The following QRICH1 variants were observed in gnomAD, a reference collection of about 807,000 sequenced individuals.
QRICH1 encodes the protein transcriptional regulator QRICH1.
In QRICH1, 16 loss-of-function variants were observed where a neutral mutation model predicts 87.1. The ratio of observed to expected loss-of-function variants is 0.18; its 90% confidence interval spans 0.12 to 0.28. The LOEUF (loss-of-function observed/expected upper bound fraction) is 0.28, where lower values mean the gene tolerates loss of function less well. Ranked by LOEUF, QRICH1 falls within the 10% of genes least tolerant of loss-of-function variation. The probability of loss-of-function intolerance (pLI) is 1.00; values close to 1 mark genes in which losing one functional copy is unlikely to be tolerated. For missense variants in QRICH1, 647 were observed against 951.7 expected, an observed-to-expected ratio of 0.68 and a Z score of 4.21; for synonymous variants, 367 against 368.4, an observed-to-expected ratio of 1.00 and a Z score of 0.05.
intron 2 of QRICH1, among the ~76,000 whole-genome samples, chr3:49,060,198 A>G (rs995406207): frequency 4.0e-5 from 5 of 124,474 alleles, no homozygotes; most frequent in East Asian, 2.4e-4. Flanking sequence ...TTATATATAC[A>G]TATATATGTT....
chr3:49,051,054 CTACTTT>C (rs767792486), intron 3 of QRICH1, among the ~76,000 whole-genome samples: 46 of 152,326 alleles, frequency 3.0e-4, no homozygotes, highest in Non-Finnish European at 6.3e-4. Flanking sequence ...GCCCTTTCTT[CTACTTT>C]TAATCTGAGG....
intron 1 of QRICH1, among the ~76,000 whole-genome samples, chr3:49,085,529 T>C (rs1016981489): frequency 6.6e-6 from 1 of 151,880 alleles, no homozygotes; most frequent in African/African-American, 2.4e-5. Flanking sequence ...CCGAGGTGGG[T>C]GGATCACCTG....
chr3:49,053,440 G>A (rs1237614925), intron 3 of QRICH1, among the ~76,000 whole-genome samples: 8 of 138,482 alleles, frequency 5.8e-5, no homozygotes, highest in Admixed American at 2.4e-4. Flanking sequence ...AGCCGAGATC[G>A]CACCACTGCA....
chr3:49,093,907 C>G lies in QRICH1; in HGVS notation c.-22+5G>C. The G allele has an allele frequency of 2.5e-6, 1 of 395,938 alleles. No individual in the cohort carries two copies. Among genetic ancestry groups the G allele is most frequent in the Non-Finnish European group, 4.4e-6 (1 of 225,362 alleles). 24.5% of individuals were successfully genotyped at this position (395,938 alleles called of 1,614,324 possible). On this transcript the variant is annotated splice_donor_5th_base_variant and intron_variant, in intron 1 of 9. Coordinates refer to ENST00000395443, the MANE Select transcript of QRICH1 (RefSeq NM_198880.3). Reference sequence around the variant, plus strand: ...CCGCATCCCCACCCGCACTGGAGCCCTCACCCGGCGACGTCACTGCCGCCG... The same window carrying G: ...CCGCATCCCCACCCGCACTGGAGCCGTCACCCGGCGACGTCACTGCCGCCG...
rs60933196 is a variant in QRICH1, at chr3:49,078,386, C to CTTTT, written c.-21-1352_-21-1349dup. Among the ~76,000 whole-genome samples the CTTTT allele has an allele frequency of 2.3e-4, 16 of 69,850 alleles. 1 individual carries two copies. Among genetic ancestry groups the CTTTT allele is most frequent in the Non-Finnish European group, 2.8e-4 (11 of 39,288 alleles). 45.8% of individuals were successfully genotyped at this position (69,850 alleles called of 152,430 possible). ...TGTGGAAAACGAAGAATTATGGTTC[C>CTTTT]TTTTTTTTTTTTTTTTTTTTTTTTT... On this transcript the variant is annotated intron_variant, in intron 1 of 9. Transcript: ENST00000395443.
intron 2 of QRICH1, among the ~76,000 whole-genome samples, chr3:49,076,199 G>C (rs2041947041): frequency 6.6e-6 from 1 of 152,284 alleles, no homozygotes; most frequent in African/African-American, 2.4e-5. Context: ...AAAAAAAGAA[G>C]AAACAAACAA....
intron 2 of QRICH1, among the ~76,000 whole-genome samples, chr3:49,063,927 G>A (rs958054609): frequency 6.6e-6 from 1 of 151,988 alleles, no homozygotes; most frequent in Non-Finnish European, 1.5e-5. Context: ...TTTTATTTGA[G>A]ATGGAGTTTC....
At chr3:49,092,522 T>C (rs887182089) in intron 1 of QRICH1, 4 of 152,166 alleles carry the variant, frequency 2.6e-5, no homozygotes, top group Non-Finnish European at 5.9e-5. Flanking sequence ...ATTTTAACTT[T>C]GTTCTTAAAA....
intron 3 of QRICH1, among the ~76,000 whole-genome samples, chr3:49,049,278 C>T (rs2093356543): frequency 6.6e-6 from 1 of 151,266 alleles, no homozygotes. Context: ...AACCCCATCT[C>T]TACTAAAAAT....
At chr3:49,081,206 C>T (rs568423857) in intron 1 of QRICH1, among the ~76,000 whole-genome samples, 60 of 151,968 alleles carry the variant, frequency 3.9e-4, no homozygotes, top group Non-Finnish European at 6.3e-4. Flanking sequence ...CGCCTGAGGG[C>T]AGGAGATCGA....
intron 6 of QRICH1, among the ~76,000 whole-genome samples, chr3:49,037,178 G>A (rs2093280831): frequency 6.6e-6 from 1 of 151,256 alleles, no homozygotes; most frequent in African/African-American, 2.4e-5. Flanking sequence ...AAGAATCAAT[G>A]GATTCAGACA....
chr3:49,036,819 T>C (rs2093277845), intron 6 of QRICH1, among the ~76,000 whole-genome samples: 1 of 151,966 alleles, frequency 6.6e-6, no homozygotes, highest in South Asian at 2.1e-4. Context: ...TCCCAGTACT[T>C]TGGGAGGCCG....
intron 3 of QRICH1, among the ~76,000 whole-genome samples, chr3:49,047,545 G>A (rs926848700): frequency 6.1e-5 from 9 of 148,276 alleles, no homozygotes; most frequent in African/African-American, 2.0e-4. Context: ...GTGCAATGGC[G>A]CAATCTCAGC....
intron 2 of QRICH1, among the ~76,000 whole-genome samples, chr3:49,071,767 G>A (rs2041833208): frequency 2.0e-5 from 3 of 152,076 alleles, no homozygotes; most frequent in Admixed American, 1.3e-4. Flanking sequence ...ATCACAGCTC[G>A]CTGCAACCAT....
intron 1 of QRICH1, chr3:49,083,278 C>T (rs1201294282): frequency 6.7e-6 from 1 of 149,460 alleles, no homozygotes; most frequent in Non-Finnish European, 1.5e-5. Context: ...ACTCAAGAGA[C>T]TGAAACAGGA....
At chr3:49,094,311 G>C (rs2042339609), upstream of QRICH1, 2 of 347,504 alleles carry the variant, frequency 5.8e-6, no homozygotes, top group African/African-American at 2.1e-5. Context: ...GAAGGCTAGG[G>C]CTCCAAGCTA....
chr3:49,069,397 C>T lies in QRICH1; in HGVS notation c.309+7312G>A, dbSNP rs1321684242. Among the ~76,000 whole-genome samples, 19 of 151,966 alleles carry T rather than the reference C, an allele frequency of 1.3e-4. 1 individual carries two copies. Among genetic ancestry groups the T allele is most frequent in the Admixed American group, 1.2e-3 (18 of 15,210 alleles). ...GATTAGAGGCATGAGCCACCACACACAGCTGAAAATTATTTTTTACAGAAA... is the reference window on the plus strand; with the variant it reads ...GATTAGAGGCATGAGCCACCACACATAGCTGAAAATTATTTTTTACAGAAA... On this transcript the variant is annotated intron_variant, in intron 2 of 9. Coordinates refer to ENST00000395443, the MANE Select transcript of QRICH1 (RefSeq NM_198880.3).
intron 1 of QRICH1, among the ~76,000 whole-genome samples, chr3:49,080,137 G>C (rs570064693): frequency 6.6e-6 from 1 of 152,182 alleles, no homozygotes; most frequent in East Asian, 1.9e-4. Flanking sequence ...GGGGACAAAG[G>C]AGAGATTATA....
At chr3:49,052,135 G>A (rs1489466543) in intron 3 of QRICH1, among the ~76,000 whole-genome samples, 1 of 152,160 alleles carries the variant, frequency 6.6e-6, no homozygotes. Context: ...TATAGTGGTG[G>A]CAGTGGAGAT....
Sources: allele counts gnomAD v4.1 joint callset (sites outside exome capture counted in the v4.1 genomes callset), GRCh38; gene constraint gnomAD v4.1.1; transcripts MANE v1.5; gene names NCBI Gene and HGNC (gene_info 2026-07-23, HGNC 2026-07-21).